POLR2F: variants seen among roughly 807,000 people sequenced by gnomAD.
POLR2F encodes RNA polymerase II, I and III subunit F, also known as DNA-directed RNA polymerases I, II, and III subunit RPABC2.
A neutral mutation model predicts 22.7 loss-of-function variants in POLR2F; 12 were observed. The ratio of observed to expected loss-of-function variants is 0.53; its 90% CI spans 0.34 to 0.86. POLR2F has a LOEUF of 0.86. Among genes scored for constraint, POLR2F ranks in the 40% least tolerant of loss-of-function variants. The pLI is 0.02. For missense variants in POLR2F, 126 were observed against 171.5 expected, an observed-to-expected ratio of 0.73 and a Z score of 1.48; for synonymous variants, 57 against 66.0, an observed-to-expected ratio of 0.86 and a Z score of 0.66.
chr22:38,033,762 G>A (rs994615165), intron 5 of POLR2F, among the ~76,000 whole-genome samples: 9 of 152,188 alleles, frequency 5.9e-5, no homozygotes, highest in Admixed American at 2.0e-4. Context: ...ACCGGAAGGC[G>A]CCACGGCCCC....
chr22:37,984,144 G>T, upstream of POLR2F: 2 of 175,934 alleles, frequency 1.1e-5, no homozygotes, highest in Non-Finnish European at 1.2e-5. The surrounding 1 kb of genome is among the most constrained non-coding windows in gnomAD (Gnocchi z 4.4). Context: ...GAAAAAAACG[G>T]AGCCTTTATT....
At chr22:37,973,273 C>T (rs377595452), downstream of POLR2F, 8 of 516,706 alleles carry the variant, frequency 1.5e-5, no homozygotes, top group East Asian at 2.1e-4. Context: ...CAACCTCCTT[C>T]TCCTCTGTCC....
At position 38,003,970 on chromosome 22, in the gene POLR2F, G is replaced by A. The variant is rs186610500; in HGVS notation, c.120+17658G>A. Among the ~76,000 whole-genome samples, 153 of 152,150 alleles carry A rather than the reference G, an allele frequency of 1.0e-3. 2 individuals are homozygous for A. In the East Asian group the frequency reaches 0.028, roughly 28 times the overall value. ...AGGGAGGTGCTGGAGAGTGGAGGCC[G>A]GAGACCCACTAGGAGATTAGGATAC... On this transcript the variant is annotated intron_variant, in intron 1 of 2. Coordinates refer to the POLR2F transcript ENST00000333418.
downstream of POLR2F, chr22:37,972,868 TC>T: frequency 6.5e-6 from 1 of 153,432 alleles, no homozygotes; most frequent in East Asian, 1.9e-4. Flanking sequence ...CAGAATTGGA[TC>T]AGGGGGCCTC....
chr22:37,983,486 C>T (rs374038201), upstream of POLR2F: 2 of 1,611,774 alleles, frequency 1.2e-6, no homozygotes, highest in Middle Eastern at 1.7e-4. This position sits in a 1 kb window ranked among gnomAD's most constrained non-coding sequence, Gnocchi z 9.5. Context: ...GTGCGGCTTG[C>T]TTTTGCTGGC....
downstream of POLR2F, among the ~76,000 whole-genome samples, chr22:38,028,497 T>TGTGTGC (rs1197398230): frequency 6.6e-6 from 1 of 152,014 alleles, no homozygotes; most frequent in Non-Finnish European, 1.5e-5. Flanking sequence ...TGCGTGTGTG[T>TGTGTGC]GTGTGCGTGT....
chr22:37,974,143 C>A (rs376907937), downstream of POLR2F: 26 of 1,611,366 alleles, frequency 1.6e-5, no homozygotes, highest in Non-Finnish European at 2.2e-5. The surrounding 1 kb of genome is among the most constrained non-coding windows in gnomAD (Gnocchi z 5.4). Context: ...CTGCCTTGCC[C>A]GACTGCAGCT....
upstream of POLR2F, among the ~76,000 whole-genome samples, chr22:37,983,175 C>G (rs908397358): frequency 7.9e-5 from 12 of 152,208 alleles, no homozygotes; most frequent in Non-Finnish European, 1.5e-4. This position sits in a 1 kb window ranked among gnomAD's most constrained non-coding sequence, Gnocchi z 9.5. Context: ...CGCTGGAGTT[C>G]CGAGTTCCAG....
intron 1 of POLR2F, among the ~76,000 whole-genome samples, chr22:38,009,323 C>T (rs1401973666): frequency 6.6e-6 from 1 of 152,098 alleles, no homozygotes; most frequent in Non-Finnish European, 1.5e-5. Flanking sequence ...TTGAGAATGG[C>T]CTGAGGGGGT....
At chr22:37,987,481 G>A in intron 1 of POLR2F, 2 of 286,808 alleles carry the variant, frequency 7.0e-6, no homozygotes, top group East Asian at 1.9e-4. Flanking sequence ...CTCCGCCTGT[G>A]TTCCCCCACT....
chr22:38,021,915 G>C (rs1054532350), intron 1 of POLR2F, among the ~76,000 whole-genome samples: 1 of 150,384 alleles, frequency 6.6e-6, no homozygotes, highest in African/African-American at 2.5e-5. Flanking sequence ...CAGATCACTT[G>C]AGGTCAGGCA....
At chr22:38,018,886 A>G (rs939981581) in intron 1 of POLR2F, among the ~76,000 whole-genome samples, 6 of 152,146 alleles carry the variant, frequency 3.9e-5, no homozygotes, top group Admixed American at 2.0e-4. Flanking sequence ...GATTCAGGGA[A>G]GAGATTGGCC....
At position 37,959,096 on chromosome 22, in the gene POLR2F, C is replaced by G. The variant is rs1601864792; in HGVS notation, c.91-250C>G. 3.3e-5 allele frequency among the ~76,000 whole-genome samples: 5 copies of G among 152,300 alleles called. No individual in the cohort carries two copies. The South Asian group carries it at 1.0e-3, about 32-fold the overall frequency. On this transcript the variant is annotated intron_variant, in intron 2 of 4. Transcript: ENST00000442738. Reference sequence around the variant, plus strand: ...CAGTTAGCTCTGGAATCTCAGACCTCCATTACCAGGTCTGAGGCTTGGTCA... The same window carrying G: ...CAGTTAGCTCTGGAATCTCAGACCTGCATTACCAGGTCTGAGGCTTGGTCA...
chr22:37,979,905 C>CCCCTCACACCCCAGTGAGTG (rs1477276415), intron 4 of POLR2F, among the ~76,000 whole-genome samples: 1 of 152,092 alleles, frequency 6.6e-6, no homozygotes, highest in East Asian at 1.9e-4. Flanking sequence ...AGCTGCCCCA[C>CCCCTCACACCCCAGTGAGTG]CCCTCACACC....
chr22:37,969,251 C>T lies in POLR2F; in HGVS notation c.*1536C>T, dbSNP rs1931974644. On this transcript the variant is annotated 3_prime_UTR_variant, in exon 5 of 5. Transcript: ENST00000442738. The stretch of plus-strand genomic sequence containing the variant: ...CCATTCTCCTCTTTTGGGGAGTCCC[C>T]TGCTATTCAGCTGTCTGGGCCTGGC... The T allele has an allele frequency of 1.0e-6, 1 of 985,058 alleles. No individual in the cohort carries two copies. Among genetic ancestry groups the T allele is most frequent in the Non-Finnish European group, 1.2e-6 (1 of 829,712 alleles). The allele number at this position is 985,058 out of a possible 1,614,324, so 61.0% of individuals were successfully genotyped here.
intron 5 of POLR2F, among the ~76,000 whole-genome samples, chr22:38,033,343 G>A (rs898740042): frequency 4.6e-5 from 7 of 152,120 alleles, no homozygotes; most frequent in Admixed American, 2.0e-4. Flanking sequence ...GAGAGAAAGC[G>A]CTTGTCCAGG....
intron 4 of POLR2F, among the ~76,000 whole-genome samples, chr22:37,979,393 C>T (rs1223613723): frequency 2.0e-5 from 3 of 152,186 alleles, no homozygotes; most frequent in Non-Finnish European, 2.9e-5. Flanking sequence ...CCACCGTGCC[C>T]GGCCCCAAGA....
At chr22:38,003,531 G>T (rs1026553881) in intron 1 of POLR2F, among the ~76,000 whole-genome samples, 4 of 150,550 alleles carry the variant, frequency 2.7e-5, no homozygotes, top group African/African-American at 9.8e-5. Context: ...CCGGCTGGGA[G>T]ATAGTTTAAG....
At chr22:37,960,842 TTC>T (rs1931607866) in intron 3 of POLR2F, among the ~76,000 whole-genome samples, 1 of 102,004 alleles carries the variant, frequency 9.8e-6, no homozygotes, top group Non-Finnish European at 2.1e-5. Flanking sequence ...CGGTGCAATT[TTC>T]TTTTTTCTTT....
Sources: allele counts gnomAD v4.1 joint callset (sites outside exome capture counted in the v4.1 genomes callset), GRCh38; gene constraint gnomAD v4.1.1; non-coding constraint Gnocchi (gnomAD v3.1); transcripts MANE v1.5; gene names NCBI Gene and HGNC (gene_info 2026-07-23, HGNC 2026-07-21).